Variants in KCNC1 observed in about 807,000 individuals in gnomAD.
KCNC1 encodes the protein potassium voltage-gated channel subfamily C member 1, also known as voltage-gated potassium channel KCNC1.
Under a neutral mutation model 43.4 loss-of-function variants are expected in KCNC1, and 8 were observed. That is an observed-to-expected ratio of 0.18 (90% CI 0.11 to 0.33). The LOEUF (loss-of-function observed/expected upper bound fraction) is 0.33, where lower values mean the gene tolerates loss of function less well. Ranked by LOEUF, KCNC1 falls within the 10% of genes least tolerant of loss-of-function variation. The probability of loss-of-function intolerance (pLI) is 1.00; values close to 1 mark genes in which losing one functional copy is unlikely to be tolerated. For synonymous variants in KCNC1, 361 were observed against 360.5 expected (o/e 1.00, Z -0.01); for missense variants, 420 against 836.0 (o/e 0.50, Z 6.14).
chr11:17,766,474 C>A lies in KCNC1; in HGVS notation c.571-5191C>A, dbSNP rs550885460. Among the ~76,000 whole-genome samples the A allele has an allele frequency of 1.6e-3, 244 of 152,252 alleles. 1 individual carries two copies. The highest frequency in any genetic ancestry group is 2.5e-3 in the Non-Finnish European group (169 of 68,014). On this transcript the variant is annotated intron_variant, in intron 1 of 3. Coordinates refer to ENST00000265969, the MANE Select transcript of KCNC1 (RefSeq NM_001112741.2). ...CAGTCCCCTAATCTTGCCTGTGACC[C>A]TACAGCCCCGGGGATGACAGCCCAG...
chr11:17,739,055 C>G lies in KCNC1; in HGVS notation c.570+2483C>G, dbSNP rs942115313. ...CCGCCCGGCTGGCCTAGCTGCACTG[C>G]GCTGCCTCTCTGCGGCTCATCTGCG... is the stretch of plus-strand genomic sequence containing the variant. On this transcript the variant is annotated intron_variant, in intron 1 of 3. Transcript: ENST00000265969. The surrounding 1 kb of genome is among the most constrained non-coding windows in gnomAD (Gnocchi z 4.2). 6.6e-6 allele frequency among the ~76,000 whole-genome samples: 1 copy of G among 152,206 alleles called. No individual in the cohort carries two copies. Among genetic ancestry groups the G allele is most frequent in the South Asian group, 2.1e-4 (1 of 4,832 alleles).
At position 17,762,377 on chromosome 11, in the gene KCNC1, G is replaced by C. The variant is rs968212210; in HGVS notation, c.571-9288G>C. ...CGGGAGGGTCCACCGGAGCTTCAAG[G>C]TGAGAGGCTCTGTGTGGAGGCTCAG... On this transcript the variant is annotated intron_variant, in intron 1 of 3. Transcript: ENST00000265969. 2.6e-5 allele frequency among the ~76,000 whole-genome samples: 4 copies of C among 152,222 alleles called. No individual in the cohort carries two copies. The South Asian group carries it at 8.3e-4, about 32-fold the overall frequency.
At position 17,763,636 on chromosome 11, in the gene KCNC1, A is replaced by ACC. The variant is rs142938947; in HGVS notation, c.571-8028_571-8027insCC. 4.4e-4 allele frequency among the ~76,000 whole-genome samples: 35 copies of ACC among 79,232 alleles called. 3 individuals are homozygous for ACC. The highest frequency in any genetic ancestry group is 1.0e-3 in the African/African-American group (18 of 17,484). 52.0% of individuals were successfully genotyped at this position (79,232 alleles called of 152,430 possible). A position where few individuals can be genotyped will look rare whatever the true frequency, so the allele number is the denominator to read the frequency against. The stretch of plus-strand genomic sequence containing the variant: ...TGCACATATACACACCCACACACAC[A>ACC]CACCCCCACACCACACCACACGCAA... On this transcript the variant is annotated intron_variant, in intron 1 of 3. Transcript: ENST00000265969.
At chr11:17,755,277 G>T (rs898275590) in intron 1 of KCNC1, among the ~76,000 whole-genome samples, 2 of 152,142 alleles carry the variant, frequency 1.3e-5, no homozygotes, top group Admixed American at 6.5e-5. Flanking sequence ...AGATCAAGTC[G>T]GATCTGCAAG....
chr11:17,745,472 T>C (rs1026365910), intron 1 of KCNC1, among the ~76,000 whole-genome samples: 19 of 152,262 alleles, frequency 1.2e-4, no homozygotes, highest in African/African-American at 4.3e-4. Flanking sequence ...CCCTGCCCTC[T>C]CTTGCCTGAG....
In KCNC1 at chr11:17,767,931, T is replaced by C. The variant is rs114599068; in HGVS notation, c.571-3734T>C. On this transcript the variant is annotated intron_variant, in intron 1 of 3. Coordinates refer to ENST00000265969, the MANE Select transcript of KCNC1 (RefSeq NM_001112741.2). ...ATTGGTCCCTGAGAAACAAAGACTTTTTACCATAATCTTATAAGGCCTGAG... is the reference window on the plus strand; with the variant it reads ...ATTGGTCCCTGAGAAACAAAGACTTCTTACCATAATCTTATAAGGCCTGAG... 3.3e-3 allele frequency among the ~76,000 whole-genome samples: 504 copies of C among 152,334 alleles called. 3 individuals are homozygous for C. The highest frequency in any genetic ancestry group is 0.011 in the African/African-American group (453 of 41,578).
intron 1 of KCNC1, among the ~76,000 whole-genome samples, chr11:17,749,625 C>T (rs1848942777): frequency 6.6e-6 from 1 of 152,244 alleles, no homozygotes; most frequent in Admixed American, 6.5e-5. Context: ...CTCTGAGCAG[C>T]AGTGAGGAAC....
In KCNC1 at chr11:17,779,867, G is replaced by A. The variant is rs759197392; in HGVS notation, c.1693+223G>A. On this transcript the variant is annotated intron_variant, in intron 3 of 3. Transcript: ENST00000265969. This position sits in a 1 kb window ranked among gnomAD's most constrained non-coding sequence, Gnocchi z 7.2. ...AGAACTTGAGGCCCTGGCAGCTGTG[G>A]GTTGCTGGGAGTTGAGAGGGGATTG... 5 of 413,286 alleles carry A rather than the reference G, an allele frequency of 1.2e-5. No homozygotes were observed. The highest frequency in any genetic ancestry group is 2.1e-5 in the Non-Finnish European group (5 of 234,072). 25.6% of individuals were successfully genotyped at this position (413,286 alleles called of 1,614,324 possible). A position where few individuals can be genotyped will look rare whatever the true frequency, so the allele number is the denominator to read the frequency against.
At position 17,776,709 on chromosome 11, in the gene KCNC1, C is replaced by T; in HGVS notation, c.1505-2747C>T. 1.0e-6 allele frequency: 1 copy of T among 985,296 alleles called. No individual in the cohort carries two copies. The highest frequency in any genetic ancestry group is 1.1e-4 in the East Asian group (1 of 8,770). The allele number at this position is 985,296 out of a possible 1,614,324, so 61.0% of individuals were successfully genotyped here. Reference sequence around the variant, plus strand: ...TCTGGAAAGCAGGTGGGAATGGAGGCTCCTAGCCACTATCTCATCCAAAGG... The same window carrying T: ...TCTGGAAAGCAGGTGGGAATGGAGGTTCCTAGCCACTATCTCATCCAAAGG... On this transcript the variant is annotated intron_variant, in intron 2 of 3. Transcript: ENST00000265969. This position sits in a 1 kb window ranked among gnomAD's most constrained non-coding sequence, Gnocchi z 4.4.
At chr11:17,762,061 G>A (rs1455616205) in intron 1 of KCNC1, among the ~76,000 whole-genome samples, 6 of 152,098 alleles carry the variant, frequency 3.9e-5, no homozygotes, top group Admixed American at 3.3e-4. Context: ...CAGCTCCTCC[G>A]GCCCCATCCC....
chr11:17,735,888 G>A lies in KCNC1; in HGVS notation c.-115G>A. The A allele has an allele frequency of 8.1e-7, 1 of 1,227,340 alleles. No homozygotes were observed. Among genetic ancestry groups the A allele is most frequent in the Non-Finnish European group, 1.1e-6 (1 of 939,008 alleles). The allele number at this position is 1,227,340 out of a possible 1,614,324, so 76.0% of individuals were successfully genotyped here. On this transcript the variant is annotated 5_prime_UTR_variant, in exon 1 of 4. Coordinates refer to ENST00000265969, the MANE Select transcript of KCNC1 (RefSeq NM_001112741.2). This position sits in a 1 kb window ranked among gnomAD's most constrained non-coding sequence, Gnocchi z 6.7. ...AGAGCCGCAGGCCTCTGTTCCCCCC[G>A]ACGGCTGGGGGGAGGGGGGAAGAGG...
intron 1 of KCNC1, among the ~76,000 whole-genome samples, chr11:17,757,937 C>G (rs1849039436): frequency 6.6e-6 from 1 of 152,146 alleles, no homozygotes; most frequent in Non-Finnish European, 1.5e-5. Context: ...GTGGACATAG[C>G]AATTTTGTAA....
chr11:17,775,819 A>G (rs1158611244), intron 2 of KCNC1: 4 of 985,478 alleles, frequency 4.1e-6, no homozygotes, highest in Non-Finnish European at 4.8e-6. Flanking sequence ...TGGCACCTAG[A>G]ACAGCAGTGA....
rs1005012686 is a variant in KCNC1 at position 17,771,080 on chromosome 11, C to G, written c.571-585C>G. ...GGGAAGACATACATTTTTTTCAGCT[C>G]TAGGCAGGATAGAACCTGAAAGAGA... On this transcript the variant is annotated intron_variant, in intron 1 of 3. Coordinates refer to ENST00000265969, the MANE Select transcript of KCNC1 (RefSeq NM_001112741.2). This position sits in a 1 kb window ranked among gnomAD's most constrained non-coding sequence, Gnocchi z 4.7. Among the ~76,000 whole-genome samples, 1 of 152,060 alleles carries G rather than the reference C, an allele frequency of 6.6e-6. No individual in the cohort carries two copies. Among genetic ancestry groups the G allele is most frequent in the Non-Finnish European group, 1.5e-5 (1 of 67,988 alleles).
chr11:17,776,800 G>C lies in KCNC1; in HGVS notation c.1505-2656G>C. ...TGGGTTCCCCAGATTTATACAGTTG[G>C]CCCCTCGTTGGTTTCTCTTTCTTCA... On this transcript the variant is annotated intron_variant, in intron 2 of 3. Coordinates refer to ENST00000265969, the MANE Select transcript of KCNC1 (RefSeq NM_001112741.2). This position sits in a 1 kb window ranked among gnomAD's most constrained non-coding sequence, Gnocchi z 4.4. 1.0e-6 allele frequency: 1 copy of C among 985,344 alleles called. No individual in the cohort carries two copies. The highest frequency in any genetic ancestry group is 1.2e-6 in the Non-Finnish European group (1 of 830,020). 61.0% of individuals were successfully genotyped at this position (985,344 alleles called of 1,614,324 possible). A position where few individuals can be genotyped will look rare whatever the true frequency, so the allele number is the denominator to read the frequency against.
chr11:17,773,771 A>T lies in KCNC1; in HGVS notation c.1504+1173A>T, dbSNP rs1028610790. On this transcript the variant is annotated intron_variant, in intron 2 of 3. Coordinates refer to ENST00000265969, the MANE Select transcript of KCNC1 (RefSeq NM_001112741.2). The surrounding 1 kb of genome is among the most constrained non-coding windows in gnomAD (Gnocchi z 4.1). The stretch of plus-strand genomic sequence containing the variant: ...ATCGACTTATTCTGTGGACACAGGG[A>T]TTTCAAAGGAACAGATGACCCAGAG... 5.9e-5 allele frequency: 58 copies of T among 985,346 alleles called. No homozygotes were observed. The highest frequency in any genetic ancestry group is 6.9e-5 in the Non-Finnish European group (57 of 829,960). 61.0% of individuals were successfully genotyped at this position (985,346 alleles called of 1,614,324 possible). A position where few individuals can be genotyped will look rare whatever the true frequency, so the allele number is the denominator to read the frequency against.
chr11:17,776,640 G>C lies in KCNC1; in HGVS notation c.1505-2816G>C, dbSNP rs978124105. On this transcript the variant is annotated intron_variant, in intron 2 of 3. Coordinates refer to ENST00000265969, the MANE Select transcript of KCNC1 (RefSeq NM_001112741.2). This position sits in a 1 kb window ranked among gnomAD's most constrained non-coding sequence, Gnocchi z 4.4. Reference sequence around the variant, plus strand: ...ATCACTGCAGGCCTGTGGGTCTAGTGGGGGCCTGGGGGCCCTGGGCTGGGG... The same window carrying C: ...ATCACTGCAGGCCTGTGGGTCTAGTCGGGGCCTGGGGGCCCTGGGCTGGGG... 4 of 985,324 alleles carry C rather than the reference G, an allele frequency of 4.1e-6. No homozygotes were observed. The highest frequency in any genetic ancestry group is 4.8e-6 in the Non-Finnish European group (4 of 829,930). 61.0% of individuals were successfully genotyped at this position (985,324 alleles called of 1,614,324 possible).
intron 1 of KCNC1, among the ~76,000 whole-genome samples, chr11:17,741,001 C>A (rs1402094766): frequency 3.9e-5 from 6 of 152,088 alleles, no homozygotes; most frequent in Non-Finnish European, 7.4e-5. Flanking sequence ...TCAGGGGATT[C>A]TAGGCAGTGC....
chr11:17,743,628 C>A (rs560187573), intron 1 of KCNC1, among the ~76,000 whole-genome samples: 1 of 152,342 alleles, frequency 6.6e-6, no homozygotes, highest in Admixed American at 6.5e-5. Context: ...GCTGCTTGTG[C>A]AGGGCGGCAC....
Sources: gnomAD v4.1 joint callset for allele counts (sites outside exome capture counted in the v4.1 genomes callset) on GRCh38, gnomAD v4.1.1 for gene constraint, Gnocchi (gnomAD v3.1) non-coding constraint, MANE v1.5 for transcripts, NCBI Gene and HGNC (gene_info 2026-07-23, HGNC 2026-07-21) for gene names.